ITGA9: variants seen among roughly 807,000 people sequenced by gnomAD.
ITGA9 encodes integrin subunit alpha 9.
In ITGA9, 56 loss-of-function variants were observed where a neutral mutation model predicts 127.8. The observed-to-expected ratio is 0.44, with a 90% CI of 0.35 to 0.55. The LOEUF (loss-of-function observed/expected upper bound fraction) is 0.55, where lower values mean the gene tolerates loss of function less well. Among genes scored for constraint, ITGA9 ranks in the 20% least tolerant of loss-of-function variants. The pLI is 0.00. For missense variants in ITGA9, 1,196 were observed against 1,347.1 expected, an observed-to-expected ratio of 0.89 and a Z score of 1.76; for synonymous variants, 508 against 514.5, an observed-to-expected ratio of 0.99 and a Z score of 0.17.
intron 3 of ITGA9, among the ~76,000 whole-genome samples, chr3:37,475,445 G>C (rs1370659685): frequency 6.6e-6 from 1 of 152,244 alleles, no homozygotes; most frequent in African/African-American, 2.4e-5. Context: ...TGTTACCACA[G>C]ATCAGTATCA....
rs1559574488 is a variant in ITGA9, at chr3:37,708,651, C to CAA, written c.2068-24061_2068-24060insAA. Among the ~76,000 whole-genome samples, 104 of 152,258 alleles carry CAA rather than the reference C, an allele frequency of 6.8e-4. 8 individuals carry two copies. The highest frequency in any genetic ancestry group is 8.3e-4 in the South Asian group (4 of 4,826). The stretch of plus-strand genomic sequence containing the variant: ...TATGCCAGGGATGCTGCTAAATACC[C>CAA]CACAATGCACAGGACAGCTCCCCAT... On this transcript the variant is annotated intron_variant, in intron 18 of 27. Coordinates refer to ENST00000264741, the MANE Select transcript of ITGA9 (RefSeq NM_002207.3).
chr3:37,492,793 G>A (rs1475246407), intron 4 of ITGA9, among the ~76,000 whole-genome samples: 1 of 152,172 alleles, frequency 6.6e-6, no homozygotes, highest in Non-Finnish European at 1.5e-5. Flanking sequence ...TCAGTGGGAT[G>A]GATATGCTTT....
chr3:37,533,383 G>C lies in ITGA9; in HGVS notation c.1443G>C (p.Gln481His). 1 of 1,614,202 alleles carries C rather than the reference G, an allele frequency of 6.2e-7. No individual in the cohort carries two copies. Among genetic ancestry groups the C allele is most frequent in the Non-Finnish European group, 8.5e-7 (1 of 1,180,034 alleles). The change falls in exon 14 of 28, where the codon CAG (glutamine) becomes CAC (histidine). Residue 481 changes from glutamine to histidine, a missense_variant. Coordinates refer to ENST00000264741, the MANE Select transcript of ITGA9 (RefSeq NM_002207.3). ...GCTCCATCAACATCACAGCGCCTCA[G>C]TGTCACGACGGACAGCAGCCTGTGA... ...LPGSINITAP[Q>H]CHDGQQPVNC...
intron 15 of ITGA9, chr3:37,585,635 C>T (rs777744509): frequency 7.7e-6 from 4 of 516,364 alleles, no homozygotes; most frequent in Non-Finnish European, 1.5e-5. Context: ...AAGAAGGGAA[C>T]ATGAAGAATG....
chr3:37,542,367 T>C, intron 14 of ITGA9, 58 bp from the exon 15 acceptor site: 1 of 1,576,462 alleles, frequency 6.3e-7, no homozygotes. Flanking sequence ...GGAAAAGAGG[T>C]GGCCTCATCA....
intron 15 of ITGA9, among the ~76,000 whole-genome samples, chr3:37,587,672 CTAATAA>C (rs1699771751): frequency 6.6e-6 from 1 of 151,986 alleles, no homozygotes; most frequent in Admixed American, 6.6e-5. Flanking sequence ...AAAATAAAGT[CTAATAA>C]TAATAATAAC....
intron 17 of ITGA9, among the ~76,000 whole-genome samples, chr3:37,669,583 G>A (rs1575186787): frequency 6.6e-6 from 1 of 152,262 alleles, no homozygotes; most frequent in East Asian, 1.9e-4. Context: ...TGCTTTTTAG[G>A]ATTCCAAGTT....
Position 37,481,587 on chromosome 3 carries a change from C to T in ITGA9, c.524C>T (p.Thr175Met), listed in dbSNP as rs752475154. ...IPSNLQAKGR[T>M]LIPCYEEYKK... Reference sequence around the variant, plus strand: ...TCCAACCTCCAGGCCAAAGGCAGGACGCTGATCCCTTGCTATGAAGGTGAG... The same window carrying T: ...TCCAACCTCCAGGCCAAAGGCAGGATGCTGATCCCTTGCTATGAAGGTGAG... Residue 175 changes from threonine to methionine, a missense_variant, in exon 4 of 28, where the codon ACG (threonine) becomes ATG (methionine). Coordinates refer to ENST00000264741, the MANE Select transcript of ITGA9 (RefSeq NM_002207.3). 4.6e-5 allele frequency: 75 copies of T among 1,614,078 alleles called. 1 individual carries two copies. Among genetic ancestry groups the T allele is most frequent in the South Asian group, 4.2e-4 (38 of 91,090 alleles).
rs559879535 is a variant in ITGA9, at chr3:37,699,672, A to G, written c.2067+15657A>G. Among the ~76,000 whole-genome samples the G allele has an allele frequency of 2.4e-4, 37 of 152,248 alleles. 1 individual carries two copies. The South Asian group carries it at 7.5e-3, about 31-fold the overall frequency. ...GGCTTCTCATCTCATTGTAAAGCTT[A>G]GTTTTTTATAATACCTCTAAGGCCC... On this transcript the variant is annotated intron_variant, in intron 18 of 27. Transcript: ENST00000264741.
At chr3:37,608,683 T>C (rs1699990935) in intron 15 of ITGA9, among the ~76,000 whole-genome samples, 1 of 152,240 alleles carries the variant, frequency 6.6e-6, no homozygotes, top group Admixed American at 6.5e-5. Context: ...TTTTACTAGA[T>C]GTTTCAGTGA....
At chr3:37,464,276 GTT>G (rs34372799) in intron 1 of ITGA9, among the ~76,000 whole-genome samples, 8 of 140,628 alleles carry the variant, frequency 5.7e-5, no homozygotes, top group Admixed American at 7.1e-5. Context: ...ATTTGTCAGG[GTT>G]TTTTTTTTTT....
At chr3:37,640,538 C>T (rs1248445927) in intron 16 of ITGA9, among the ~76,000 whole-genome samples, 1 of 152,208 alleles carries the variant, frequency 6.6e-6, no homozygotes, top group Non-Finnish European at 1.5e-5. Flanking sequence ...GACCAGCTGA[C>T]ACCTTGATTT....
intron 15 of ITGA9, among the ~76,000 whole-genome samples, chr3:37,591,050 C>T (rs1225549655): frequency 6.6e-6 from 1 of 152,154 alleles, no homozygotes; most frequent in Non-Finnish European, 1.5e-5. Flanking sequence ...GAGTCTGCCT[C>T]CACTGGGCAG....
At chr3:37,564,934 G>T (rs573902455) in intron 15 of ITGA9, among the ~76,000 whole-genome samples, 1 of 152,224 alleles carries the variant, frequency 6.6e-6, no homozygotes, top group Admixed American at 6.5e-5. Context: ...TAAAAGCAGA[G>T]GTGAGGTTAA....
intron 24 of ITGA9, among the ~76,000 whole-genome samples, chr3:37,779,597 G>T (rs1439544174): frequency 2.0e-5 from 3 of 151,736 alleles, no homozygotes; most frequent in Admixed American, 6.6e-5. Flanking sequence ...CAAAATTTAA[G>T]TTTGTGGGTT....
intron 15 of ITGA9, among the ~76,000 whole-genome samples, chr3:37,620,750 A>G (rs1410326232): frequency 6.6e-6 from 1 of 151,582 alleles, no homozygotes; most frequent in East Asian, 1.9e-4. Context: ...AGCCTGAGGA[A>G]CTCCCAGGGT....
At position 37,690,776 on chromosome 3, in the gene ITGA9, C is replaced by T. The variant is rs539830962; in HGVS notation, c.2067+6761C>T. Among the ~76,000 whole-genome samples, 6 of 152,080 alleles carry T rather than the reference C, an allele frequency of 3.9e-5. No homozygotes were observed. The East Asian group carries it at 5.8e-4, about 15-fold the overall frequency. ...CTCTTGGTTTGGGTCTCCCAGATGG[C>T]GAGGAATTCAGGGAAATTTCTTTAT... On this transcript the variant is annotated intron_variant, in intron 18 of 27. Coordinates refer to ENST00000264741, the MANE Select transcript of ITGA9 (RefSeq NM_002207.3).
chr3:37,637,659 ATGTTTTTGTTTT>A (rs71094919), intron 16 of ITGA9, among the ~76,000 whole-genome samples: 9 of 150,946 alleles, frequency 6.0e-5, no homozygotes, highest in Admixed American at 4.0e-4. Context: ...CCAGCAAACT[ATGTTTTTGTTTT>A]TGTTTTTGTT....
chr3:37,780,471 T>C (rs951416033), intron 25 of ITGA9, among the ~76,000 whole-genome samples: 2 of 152,224 alleles, frequency 1.3e-5, no homozygotes, highest in African/African-American at 4.8e-5. Context: ...TCCATGTTGC[T>C]GCAAAAGACA....
Sources: gnomAD v4.1 joint callset for allele counts (sites outside exome capture counted in the v4.1 genomes callset) on GRCh38, gnomAD v4.1.1 for gene constraint, MANE v1.5 for transcripts, NCBI Gene and HGNC (gene_info 2026-07-23, HGNC 2026-07-21) for gene names.